Variants in ACACA observed in about 807,000 individuals in gnomAD.
ACACA encodes acetyl-CoA carboxylase alpha.
ACACA carries 103 observed loss-of-function variants against 296.1 expected under a neutral mutation model. The ratio of observed to expected loss-of-function variants is 0.35; its 90% CI spans 0.30 to 0.41. The LOEUF is 0.41. ACACA is among the 10% of genes least tolerant of loss of function. ACACA has a pLI of 1.00. For synonymous variants in ACACA, 953 were observed against 1,038.6 expected (o/e 0.92, Z 1.58); for missense variants, 1,554 against 2,989.7 (o/e 0.52, Z 11.20).
At chr17:37,353,415 C>T (rs982984477) in intron 1 of ACACA, among the ~76,000 whole-genome samples, 7 of 151,088 alleles carry the variant, frequency 4.6e-5, no homozygotes, top group Non-Finnish European at 8.9e-5. Context: ...CCAAGGCTGG[C>T]GGATCACTTG....
chr17:37,378,053 C>T (rs749723229), intron 1 of ACACA: 43 of 1,209,760 alleles, frequency 3.6e-5, no homozygotes, highest in Admixed American at 3.4e-4. Flanking sequence ...CACTTCCTAG[C>T]CCATATCTCA....
Position 37,087,215 on chromosome 17 carries a change from G to A in ACACA, c.*101C>T. 1 of 1,529,734 alleles carries A rather than the reference G, an allele frequency of 6.5e-7. No individual in the cohort carries two copies. Among genetic ancestry groups the A allele is most frequent in the Non-Finnish European group, 9.0e-7 (1 of 1,107,536 alleles). 94.8% of individuals were successfully genotyped at this position (1,529,734 alleles called of 1,614,324 possible). On this transcript the variant is annotated 3_prime_UTR_variant, in exon 56 of 56. Coordinates refer to ENST00000616317, the MANE Select transcript of ACACA (RefSeq NM_198834.3). ...AAGTAAAATGCCATTTGACTCCAGT[G>A]CTGGGTCTCCTGTGCCTTCTCATTA... is the stretch of plus-strand genomic sequence containing the variant.
In ACACA at chr17:37,248,022, C is replaced by T; in HGVS notation, c.2298G>A (p.Glu766=). ...AAACAGCCACTTACCTATCCACTTC[C>T]TCTTTCATATACGTAGTATAACTGC... ...DGSSYTTYMK[E]EVDRYRITIG... Residue 766 remains glutamate, a synonymous_variant, in exon 18 of 56, where the codon GAG becomes GAA. Transcript: ENST00000616317. 2.5e-6 allele frequency: 4 copies of T among 1,614,072 alleles called. No individual in the cohort carries two copies. The highest frequency in any genetic ancestry group is 1.1e-5 in the South Asian group (1 of 91,076).
intron 44 of ACACA, 96 bp downstream of exon 44, chr17:37,151,205 G>A: frequency 1.5e-6 from 2 of 1,356,080 alleles, no homozygotes; most frequent in African/African-American, 1.4e-5. Context: ...TTCAAGAAAT[G>A]CTCTCATTTG....
chr17:37,103,503 C>T lies in ACACA; in HGVS notation c.6566-5519G>A, dbSNP rs147787649. On this transcript the variant is annotated intron_variant, in intron 52 of 55. Coordinates refer to ENST00000616317, the MANE Select transcript of ACACA (RefSeq NM_198834.3). ...TTAGGAAAGCAAGTTGGTGTGTACA[C>T]GTGTGTGAGTGTGTTTAAGAATATG... is the stretch of plus-strand genomic sequence containing the variant. 5.3e-3 allele frequency among the ~76,000 whole-genome samples: 811 copies of T among 152,232 alleles called. 7 individuals carry two copies. The highest frequency in any genetic ancestry group is 0.024 in the Middle Eastern group (7 of 294).
rs528547782 is a variant in ACACA, at chr17:37,389,015, GTTA to G, written c.38+17244_38+17246del. On this transcript the variant is annotated intron_variant, in intron 1 of 55. Transcript: ENST00000616317. ...CTCATGATATTTGCCTCTCATGGTA[GTTA>G]TAAAGATTGAGATTCTGTGTGAAAG... Among the ~76,000 whole-genome samples, 79 of 152,336 alleles carry G rather than the reference GTTA, an allele frequency of 5.2e-4. 1 individual carries two copies. The highest frequency in any genetic ancestry group is 3.4e-3 in the Middle Eastern group (1 of 294).
chr17:37,096,945 G>C, intron 54 of ACACA, 51 bp downstream of exon 54: 1 of 1,607,080 alleles, frequency 6.2e-7, no homozygotes, highest in Non-Finnish European at 8.5e-7. Context: ...GCAGCCCTCA[G>C]GTGGTGTGAG....
At chr17:37,333,495 CAGA>C (rs1318789230) in intron 2 of ACACA, among the ~76,000 whole-genome samples, 1 of 152,092 alleles carries the variant, frequency 6.6e-6, no homozygotes, top group Non-Finnish European at 1.5e-5. Context: ...CCCCAGTACT[CAGA>C]AGAAGAAATA....
intron 1 of ACACA, among the ~76,000 whole-genome samples, chr17:37,396,126 G>T (rs2051072600): frequency 1.3e-5 from 2 of 151,918 alleles, no homozygotes; most frequent in Non-Finnish European, 2.9e-5. Context: ...GATCATCTGG[G>T]GTCAGGAGTT....
At chr17:37,391,643 C>T (rs776584328) in intron 1 of ACACA, 1 of 1,613,178 alleles carries the variant, frequency 6.2e-7, no homozygotes, top group African/African-American at 1.3e-5. Flanking sequence ...CTTTCAATCT[C>T]TAGGTTGGAC....
At chr17:37,367,095 A>AAAAT (rs1568061541) in intron 1 of ACACA, 1 of 150,154 alleles carries the variant, frequency 6.7e-6, no homozygotes, top group Non-Finnish European at 1.5e-5. Context: ...CTCAGAAAAA[A>AAAAT]ATATATATAT....
intron 29 of ACACA, among the ~76,000 whole-genome samples, chr17:37,212,452 A>AAC: frequency 6.6e-6 from 1 of 152,126 alleles, no homozygotes; most frequent in East Asian, 1.9e-4. Context: ...AAAAACTCCC[A>AAC]ACATCTCTAA....
Position 37,355,192 on chromosome 17 carries a change from G to A in ACACA, c.39-15342C>T, listed in dbSNP as rs530692751. Among the ~76,000 whole-genome samples, 10 of 147,418 alleles carry A rather than the reference G, an allele frequency of 6.8e-5. No individual in the cohort carries two copies. In the South Asian group the frequency reaches 1.1e-3, roughly 16 times the overall value. ...CGGGTGGCGGTGGTTGCAGTGAGCC[G>A]AGATCACACCACTGCACTCCAGCCT... On this transcript the variant is annotated intron_variant, in intron 1 of 55. Transcript: ENST00000616317.
At chr17:37,187,179 C>G (rs758283616) in intron 39 of ACACA, among the ~76,000 whole-genome samples, 69 of 152,194 alleles carry the variant, frequency 4.5e-4, no homozygotes, top group Non-Finnish European at 7.3e-4. Context: ...CTGCTCACTT[C>G]TCATAGGATA....
Position 37,341,018 on chromosome 17 carries a change from C to T in ACACA, c.39-1168G>A, listed in dbSNP as rs115823470. ...GAGGCTGCAATGTGCTATGACCACA[C>T]CTGTGAAAAGCCAATGCACTCCAGC... On this transcript the variant is annotated intron_variant, in intron 1 of 55. Transcript: ENST00000616317. 8.3e-3 allele frequency among the ~76,000 whole-genome samples: 1,270 copies of T among 152,206 alleles called. 14 individuals are homozygous for T. The highest frequency in any genetic ancestry group is 0.029 in the African/African-American group (1,216 of 41,502).
At chr17:37,300,686 C>A (rs2083577986) in intron 3 of ACACA, among the ~76,000 whole-genome samples, 1 of 152,028 alleles carries the variant, frequency 6.6e-6, no homozygotes, top group African/African-American at 2.4e-5. Context: ...GAAGGACATT[C>A]GGGCAACTTA....
rs189317467 is a variant in ACACA, at chr17:37,198,507, G to T, written c.4158+1632C>A. On this transcript the variant is annotated intron_variant, in intron 35 of 55. Coordinates refer to ENST00000616317, the MANE Select transcript of ACACA (RefSeq NM_198834.3). ...TACCAGCCACAGTGTTTATCCATGGGCTTTCATATTCTATCCCAAAGTATC... is the reference window on the plus strand; with the variant it reads ...TACCAGCCACAGTGTTTATCCATGGTCTTTCATATTCTATCCCAAAGTATC... 3.3e-3 allele frequency among the ~76,000 whole-genome samples: 500 copies of T among 152,264 alleles called. 3 individuals are homozygous for T. Among genetic ancestry groups the T allele is most frequent in the African/African-American group, 0.011 (465 of 41,546 alleles).
At position 37,200,418 on chromosome 17, in the gene ACACA, T is replaced by A. The variant is rs1298965401; in HGVS notation, c.4113+9A>T. ...AAATATTAAAGAGGTACAATTCACA[T>A]GTCAGTACCTTTTGTGCAACCAGGA... On this transcript the variant is annotated intron_variant, in intron 34 of 55. Transcript: ENST00000616317. 1 of 1,604,412 alleles carries A rather than the reference T, an allele frequency of 6.2e-7. No individual in the cohort carries two copies. The highest frequency in any genetic ancestry group is 8.5e-7 in the Non-Finnish European group (1 of 1,171,264).
chr17:37,149,511 T>A (rs1479696584), intron 45 of ACACA, among the ~76,000 whole-genome samples: 2 of 152,202 alleles, frequency 1.3e-5, no homozygotes, highest in Non-Finnish European at 2.9e-5. Context: ...AAGAGAGAAG[T>A]GGGACAGAAC....
Sources: gnomAD v4.1 joint callset for allele counts (sites outside exome capture counted in the v4.1 genomes callset) on GRCh38, gnomAD v4.1.1 for gene constraint, MANE v1.5 for transcripts, NCBI Gene and HGNC (gene_info 2026-07-23, HGNC 2026-07-21) for gene names.